The following IFFO1 variants were observed in gnomAD, a reference collection of about 807,000 sequenced individuals.
IFFO1 encodes the protein non-homologous end joining factor IFFO1.
In IFFO1, 42 loss-of-function variants were observed where a neutral mutation model predicts 59.6. The ratio of observed to expected loss-of-function variants is 0.70; its 90% confidence interval spans 0.55 to 0.91. The LOEUF is 0.91. IFFO1 is among the 40% of genes least tolerant of loss of function. IFFO1 has a pLI of 0.00. For synonymous variants in IFFO1, 336 were observed against 342.8 expected (o/e 0.98, Z 0.22); for missense variants, 711 against 793.2 (o/e 0.90, Z 1.24).
intron 1 of IFFO1, chr12:6,551,940 A>C (rs80074488): frequency 0.011 from 1,971 of 178,870 alleles, 19 homozygotes; most frequent in Non-Finnish European, 0.014. Flanking sequence ...CATCACAGAG[A>C]TGGAAGCCAG....
Position 6,548,911 on chromosome 12 carries a change from G to A in IFFO1, c.1081-62C>T. The A allele has an allele frequency of 2.1e-6, 3 of 1,414,804 alleles. No individual in the cohort carries two copies. Among genetic ancestry groups the A allele is most frequent in the Non-Finnish European group, 2.9e-6 (3 of 1,031,766 alleles). The allele number at this position is 1,414,804 out of a possible 1,614,324, so 87.6% of individuals were successfully genotyped here. On this transcript the variant is annotated intron_variant, in intron 5 of 9. Transcript: ENST00000619571. This position sits in a 1 kb window ranked among gnomAD's most constrained non-coding sequence, Gnocchi z 6.1. ...CGGGAGCGGGAGGCCGGGCAGAGAG[G>A]GTGGGAATGGGGGAGAAGCATGAAC...
In IFFO1 at chr12:6,552,991, C is replaced by A. The variant is rs537547634; in HGVS notation, c.774-1990G>T. Among the ~76,000 whole-genome samples, 76 of 152,252 alleles carry A rather than the reference C, an allele frequency of 5.0e-4. 2 individuals carry two copies. Among genetic ancestry groups the A allele is most frequent in the African/African-American group, 1.7e-3 (72 of 41,526 alleles). On this transcript the variant is annotated intron_variant, in intron 1 of 9. Transcript: ENST00000619571. ...TTGAAGAGAGAAAGCAGGGACCATT[C>A]CTATGTTGGGAAAATGGGGGCTCAA...
At position 6,541,780 on chromosome 12, in the gene IFFO1, TTAAAA is replaced by T; in HGVS notation, c.1480-143_1480-139del. ...GCAGCCATTACTGAAGGCTCAGATT[TTAAAA>T]TAAACCAGACCAAGGCAGAAGGCAG... On this transcript the variant is annotated intron_variant, in intron 8 of 9. Transcript: ENST00000619571. The surrounding 1 kb of genome is among the most constrained non-coding windows in gnomAD (Gnocchi z 4.8). 9.8e-7 allele frequency: 1 copy of T among 1,020,948 alleles called. No homozygotes were observed. Among genetic ancestry groups the T allele is most frequent in the Admixed American group, 2.2e-5 (1 of 44,616 alleles). 63.2% of individuals were successfully genotyped at this position (1,020,948 alleles called of 1,614,324 possible).
At chr12:6,551,278 TC>T (rs1285904759) in intron 1 of IFFO1, 8 of 628,660 alleles carry the variant, frequency 1.3e-5, no homozygotes, top group Non-Finnish European at 2.1e-5. Context: ...GTGCTGAGGC[TC>T]CGGTCCTCCG....
At chr12:6,543,312 T>TG (rs1946803724) in intron 8 of IFFO1, among the ~76,000 whole-genome samples, 3 of 152,234 alleles carry the variant, frequency 2.0e-5, no homozygotes, top group African/African-American at 7.2e-5. Flanking sequence ...GTCTGTGGCC[T>TG]GTTAGGAACC....
chr12:6,555,350 A>T lies in IFFO1; in HGVS notation c.680T>A (p.Val227Glu). The T allele has an allele frequency of 6.2e-7, 1 of 1,613,778 alleles. No homozygotes were observed. Among genetic ancestry groups the T allele is most frequent in the South Asian group, 1.1e-5 (1 of 91,052 alleles). Reference protein sequence around the residue: ...PGLSWVHPDGVGVQIDTITPE... With the variant: ...PGLSWVHPDGEGVQIDTITPE... ...CGTGATGGTGTCGATCTGGACGCCC[A>T]CCCCATCCGGGTGCACCCACGACAA... The change falls in exon 1 of 10, where the codon GTG (valine) becomes GAG (glutamate). Residue 227 changes from valine (V) to glutamate (E), a missense_variant. By Grantham distance (121) the Val-to-Glu change is moderately radical. Around this residue, in one of 3 missense-constraint regions of IFFO1, gnomAD observed 579 missense variants for 650.3 expected, o/e 0.89. Coordinates refer to ENST00000619571, the MANE Select transcript of IFFO1 (RefSeq NM_001193457.2). The surrounding 1 kb of genome is among the most constrained non-coding windows in gnomAD (Gnocchi z 8.6).
In IFFO1 at chr12:6,548,886, C is replaced by T. The variant is rs532701687; in HGVS notation, c.1081-37G>A. 3.9e-5 allele frequency: 60 copies of T among 1,551,810 alleles called. No individual in the cohort carries two copies. Among genetic ancestry groups the T allele is most frequent in the Middle Eastern group, 3.4e-4 (2 of 5,918 alleles). On this transcript the variant is annotated intron_variant, in intron 5 of 9. Transcript: ENST00000619571. This position sits in a 1 kb window ranked among gnomAD's most constrained non-coding sequence, Gnocchi z 6.1. ...AGGCCGGGTGCATGAGGAGAAAGGG[C>T]GGGAGCGGGAGGCCGGGCAGAGAGG... is the stretch of plus-strand genomic sequence containing the variant.
At position 6,555,288 on chromosome 12, in the gene IFFO1, C is replaced by T. The variant is rs1203132558; in HGVS notation, c.742G>A (p.Val248Met). 1.2e-6 allele frequency: 2 copies of T among 1,614,214 alleles called. No homozygotes were observed. The highest frequency in any genetic ancestry group is 1.7e-6 in the Non-Finnish European group (2 of 1,180,026). The change falls in exon 1 of 10, where the codon GTG becomes ATG. Residue 248 changes from valine to methionine, a missense_variant. Around this residue, in one of 3 missense-constraint regions of IFFO1, gnomAD observed 579 missense variants for 650.3 expected, o/e 0.89. Transcript: ENST00000619571. The surrounding 1 kb of genome is among the most constrained non-coding windows in gnomAD (Gnocchi z 8.6). ...IRALYNVLAK[V>M]KRERDEYKRR... ...TTGTACTCGTCCCGCTCCCGCTTCA[C>T]TTTGGCCAGCACGTTGTAGAGAGCG...
rs1947202146 is a variant in IFFO1 at position 6,550,856 on chromosome 12, G to A, written c.835-66C>T. On this transcript the variant is annotated intron_variant, in intron 2 of 9. Transcript: ENST00000619571. ...GGTGGGAGGAAGATAAAGATGCCAA[G>A]GAGGGACAGGGAGACGGCAGCAGGG... 3 of 1,600,818 alleles carry A rather than the reference G, an allele frequency of 1.9e-6. No homozygotes were observed. The East Asian group carries it at 6.7e-5, about 36-fold the overall frequency.
rs1366081411 is a variant in IFFO1, at chr12:6,555,847, A to G, written c.183T>C (p.Pro61=). The change falls in exon 1 of 10, where the codon CCT becomes CCC. Residue 61 remains proline (P), a synonymous_variant. Transcript: ENST00000619571. The surrounding 1 kb of genome is among the most constrained non-coding windows in gnomAD (Gnocchi z 8.6). ...GGTCATTGCGGAGGGCCATGGCGGC[A>G]GGCGGGGCCGGGCCCGGCCCGGGCG... ...YSPPGPGPAP[P]AAMALRNDLG... is the part of the protein sequence containing the mutation. 7.5e-6 allele frequency: 12 copies of G among 1,608,832 alleles called. No individual in the cohort carries two copies. The highest frequency in any genetic ancestry group is 1.0e-5 in the Non-Finnish European group (12 of 1,178,466).
At chr12:6,540,729 G>A in intron 9 of IFFO1, 141 bp from the exon 10 acceptor site, 1 of 728,578 alleles carries the variant, frequency 1.4e-6, no homozygotes, top group Non-Finnish European at 2.3e-6. Context: ...TGGCGAGGGA[G>A]CGGCAGGGAC....
chr12:6,553,086 A>G (rs547675110), intron 1 of IFFO1, among the ~76,000 whole-genome samples: 2 of 152,296 alleles, frequency 1.3e-5, no homozygotes, highest in East Asian at 3.9e-4. Context: ...CTCCCAGTGT[A>G]GCGCTCAAGC....
rs1947150830 is a variant in IFFO1, at chr12:6,549,734, C to A, written c.1071+22G>T. ...CACCTGCCCCACCCACCCCTGAGAG[C>A]AGAGGGCAGCTCCGTCCTCACCTGG... On this transcript the variant is annotated intron_variant, in intron 4 of 9. Coordinates refer to ENST00000619571, the MANE Select transcript of IFFO1 (RefSeq NM_001193457.2). This position sits in a 1 kb window ranked among gnomAD's most constrained non-coding sequence, Gnocchi z 5.0. The A allele has an allele frequency of 6.2e-7, 1 of 1,600,734 alleles. No homozygotes were observed. Among genetic ancestry groups the A allele is most frequent in the Non-Finnish European group, 8.5e-7 (1 of 1,169,892 alleles).
At chr12:6,553,495 G>A (rs117551058) in intron 1 of IFFO1, among the ~76,000 whole-genome samples, 1,951 of 152,098 alleles carry the variant, frequency 0.013, 27 homozygotes, top group Non-Finnish European at 0.021. Context: ...AACTCCCAAG[G>A]ACACATAACA....
chr12:6,542,842 C>T (rs185630759), intron 8 of IFFO1, among the ~76,000 whole-genome samples: 1 of 152,314 alleles, frequency 6.6e-6, no homozygotes, highest in East Asian at 1.9e-4. Context: ...AACCGGAGTG[C>T]AGGGAGCTGG....
rs1160722124 is a variant in IFFO1, at chr12:6,555,923, C to G, written c.107G>C (p.Gly36Ala). The G allele has an allele frequency of 6.4e-7, 1 of 1,551,642 alleles. No homozygotes were observed. Among genetic ancestry groups the G allele is most frequent in the East Asian group, 2.4e-5 (1 of 42,176 alleles). The change falls in exon 1 of 10, where the codon GGA becomes GCA. Residue 36 changes from glycine to alanine, a missense_variant. Transcript: ENST00000619571. The surrounding 1 kb of genome is among the most constrained non-coding windows in gnomAD (Gnocchi z 8.6). The stretch of plus-strand genomic sequence containing the variant: ...CGAGAGAGGCGCCGGGGGCAAGTCT[C>G]CTCCCCCGGCGAAGTGGTCGCCTCC... ...SLGGDHFAGG[G>A]DLPPAPLSPA...
At position 6,555,591 on chromosome 12, in the gene IFFO1, C is replaced by A. The variant is rs1405587469; in HGVS notation, c.439G>T (p.Ala147Ser). Residue 147 changes from alanine to serine, a missense_variant, in exon 1 of 10, where the codon GCT becomes TCT. By Grantham distance (99) the Ala-to-Ser change is moderately conservative. This residue lies in a region of IFFO1 where 579 missense variants were observed against 650.3 expected (regional missense o/e 0.89). Coordinates refer to ENST00000619571, the MANE Select transcript of IFFO1 (RefSeq NM_001193457.2). The surrounding 1 kb of genome is among the most constrained non-coding windows in gnomAD (Gnocchi z 8.6). ...ACGCGCGCCGAAGGGCTGCAGACAG[C>A]GGCCGGCCGGGCGCCCAGCTGCAGC... is the stretch of plus-strand genomic sequence containing the variant. ...LGLQLGARPAAVCSPSARVLG... is the reference protein window; with the variant it reads ...LGLQLGARPASVCSPSARVLG... 1 of 1,408,528 alleles carries A rather than the reference C, an allele frequency of 7.1e-7. No homozygotes were observed. Among genetic ancestry groups the A allele is most frequent in the Non-Finnish European group, 9.2e-7 (1 of 1,086,660 alleles). The allele number at this position is 1,408,528 out of a possible 1,614,324, so 87.3% of individuals were successfully genotyped here. A position where few individuals can be genotyped will look rare whatever the true frequency, so the allele number is the denominator to read the frequency against.
chr12:6,549,921 T>G lies in IFFO1; in HGVS notation c.931-25A>C, dbSNP rs377356988. 113 of 1,605,470 alleles carry G rather than the reference T, an allele frequency of 7.0e-5. No homozygotes were observed. Among genetic ancestry groups the G allele is most frequent in the Admixed American group, 6.7e-5 (4 of 59,524 alleles). On this transcript the variant is annotated intron_variant, in intron 3 of 9. Transcript: ENST00000619571. The surrounding 1 kb of genome is among the most constrained non-coding windows in gnomAD (Gnocchi z 5.0). ...TCTGTCCAGGGAGCCCAGGGAACAG[T>G]GAGGAGGCGCCCAGTTCTCCAGACA...
chr12:6,539,100 C>G (rs1946576110), downstream of IFFO1: 1 of 152,254 alleles, frequency 6.6e-6, no homozygotes, highest in Non-Finnish European at 1.5e-5. Flanking sequence ...CTGAACGGCT[C>G]AGTTGCTTTG....
Sources: allele counts gnomAD v4.1 joint callset (sites outside exome capture counted in the v4.1 genomes callset), GRCh38; gene constraint gnomAD v4.1.1; regional missense constraint gnomAD v4.1.1; non-coding constraint Gnocchi (gnomAD v3.1); transcripts MANE v1.5; gene names NCBI Gene and HGNC (gene_info 2026-07-23, HGNC 2026-07-21).